The following NTM variants were observed in gnomAD, a reference collection of about 807,000 sequenced individuals.
NTM encodes neurotrimin.
Under a neutral mutation model 42.1 loss-of-function variants are expected in NTM, and 13 were observed. The ratio of observed to expected loss-of-function variants is 0.31; its 90% confidence interval spans 0.20 to 0.49. The LOEUF (loss-of-function observed/expected upper bound fraction) is 0.49. Ranked by LOEUF, NTM falls within the 20% of genes least tolerant of loss-of-function variation. The pLI is 0.99. For synonymous variants in NTM, 187 were observed against 179.2 expected, an observed-to-expected ratio of 1.04 and a Z score of -0.35; for missense variants, 373 against 452.8, an observed-to-expected ratio of 0.82 and a Z score of 1.60.
chr11:131,586,869 A>G (rs1377943498), intron 1 of NTM, among the ~76,000 whole-genome samples: 1 of 152,216 alleles, frequency 6.6e-6, no homozygotes, highest in Non-Finnish European at 1.5e-5. Flanking sequence ...AACAATCTAT[A>G]TCACTTATCT....
chr11:132,275,278 C>G (rs750219745), intron 4 of NTM, among the ~76,000 whole-genome samples: 17 of 151,948 alleles, frequency 1.1e-4, no homozygotes, highest in African/African-American at 4.1e-4. Flanking sequence ...CATCCTAGAA[C>G]GTGTATTGAA....
intron 4 of NTM, among the ~76,000 whole-genome samples, chr11:132,263,909 G>C (rs544718013): frequency 6.6e-6 from 1 of 152,114 alleles, no homozygotes; most frequent in Non-Finnish European, 1.5e-5. Flanking sequence ...CCAATATTAT[G>C]TACACGATTA....
At chr11:132,114,884 TG>T (rs957274636) in intron 2 of NTM, among the ~76,000 whole-genome samples, 6 of 152,190 alleles carry the variant, frequency 3.9e-5, no homozygotes, top group African/African-American at 1.4e-4. Flanking sequence ...TCTTAGCTAT[TG>T]TGACTAATGC....
At chr11:131,440,828 A>G (rs866295411) in intron 1 of NTM, among the ~76,000 whole-genome samples, 817 of 45,582 alleles carry the variant, frequency 0.018, 16 homozygotes, top group African/African-American at 0.077. Context: ...AAAAAAAAAA[A>G]AAAAAAAAAA....
At chr11:131,823,069 A>C (rs2093258916) in intron 1 of NTM, among the ~76,000 whole-genome samples, 1 of 152,114 alleles carries the variant, frequency 6.6e-6, no homozygotes, top group Admixed American at 6.6e-5. Flanking sequence ...CTTGTTCTTC[A>C]ATCCAGTGAG....
intron 1 of NTM, among the ~76,000 whole-genome samples, chr11:131,809,983 C>T (rs1318336669): frequency 6.6e-6 from 1 of 152,196 alleles, no homozygotes; most frequent in Non-Finnish European, 1.5e-5. Context: ...ACTTATCACT[C>T]TTTCCTTTAA....
intron 3 of NTM, among the ~76,000 whole-genome samples, chr11:132,186,585 A>ATGTTT (rs2078436543): frequency 1.3e-5 from 2 of 152,198 alleles, no homozygotes; most frequent in East Asian, 1.9e-4. Context: ...TTATTTTTTA[A>ATGTTT]TGTTTTGTTT....
rs201311970 is a variant in NTM at position 131,521,316 on chromosome 11, GAAATAAAT to G, written c.82+150465_82+150472del. ...GGTGACAGAGTGAGACTCCATCTCA[GAAATAAAT>G]AAATAAATAAATAAATAAATAAATA... On this transcript the variant is annotated intron_variant, in intron 1 of 8. Transcript: ENST00000683400. Among the ~76,000 whole-genome samples, 453 of 109,650 alleles carry G rather than the reference GAAATAAAT, an allele frequency of 4.1e-3. 1 individual carries two copies. The highest frequency in any genetic ancestry group is 0.011 in the Middle Eastern group (2 of 174). 71.9% of individuals were successfully genotyped at this position (109,650 alleles called of 152,430 possible).
At chr11:131,623,807 G>T (rs1221683228) in intron 1 of NTM, among the ~76,000 whole-genome samples, 2 of 152,208 alleles carry the variant, frequency 1.3e-5, no homozygotes, top group Non-Finnish European at 2.9e-5. Context: ...GGAGATAATG[G>T]TGTGTGTTTG....
At chr11:131,944,066 C>G (rs1452053840) in intron 2 of NTM, among the ~76,000 whole-genome samples, 2 of 149,836 alleles carry the variant, frequency 1.3e-5, no homozygotes, top group African/African-American at 4.9e-5. Flanking sequence ...TTTTTTTTTT[C>G]TTTTCTGTGA....
intron 1 of NTM, chr11:131,533,936 G>C (rs2051709846): frequency 6.6e-6 from 1 of 152,312 alleles, no homozygotes; most frequent in African/African-American, 2.4e-5. Context: ...CCCACCCAGG[G>C]AGGGATCCAG....
At chr11:131,873,984 TTA>T (rs1299455437) in intron 1 of NTM, among the ~76,000 whole-genome samples, 1 of 98,518 alleles carries the variant, frequency 1.0e-5, no homozygotes, top group African/African-American at 3.0e-5. Flanking sequence ...ATATTATATA[TTA>T]TATATATTAT....
chr11:132,176,600 A>T (rs2076843394), intron 3 of NTM, among the ~76,000 whole-genome samples: 1 of 152,100 alleles, frequency 6.6e-6, no homozygotes, highest in South Asian at 2.1e-4. Context: ...TAGGACACCA[A>T]GTATAGATAT....
Position 131,697,082 on chromosome 11 carries a change from G to T in NTM, c.83-214482G>T, listed in dbSNP as rs187399025. Among the ~76,000 whole-genome samples the T allele has an allele frequency of 7.8e-3, 1,190 of 152,318 alleles. 7 individuals are homozygous for T. The highest frequency in any genetic ancestry group is 0.012 in the Non-Finnish European group (797 of 68,036). ...AGTTTTTAGACGAAGCCGGCTGGGGGCACGGTGGAATTGCCATGTAATTGT... is the reference window on the plus strand; with the variant it reads ...AGTTTTTAGACGAAGCCGGCTGGGGTCACGGTGGAATTGCCATGTAATTGT... On this transcript the variant is annotated intron_variant, in intron 1 of 8. Transcript: ENST00000683400.
intron 4 of NTM, among the ~76,000 whole-genome samples, chr11:132,237,865 G>A (rs2089362669): frequency 6.6e-6 from 1 of 152,168 alleles, no homozygotes; most frequent in Non-Finnish European, 1.5e-5. Flanking sequence ...CAATAGGCTT[G>A]AATTCTGTCG....
intron 1 of NTM, among the ~76,000 whole-genome samples, chr11:131,474,365 G>T (rs959501480): frequency 2.6e-5 from 4 of 151,840 alleles, no homozygotes; most frequent in African/African-American, 9.7e-5. Flanking sequence ...CTCACCTCTT[G>T]CTCTACATCT....
At chr11:131,602,818 T>C (rs1420296157) in intron 1 of NTM, among the ~76,000 whole-genome samples, 3 of 152,190 alleles carry the variant, frequency 2.0e-5, no homozygotes, top group African/African-American at 7.2e-5. Flanking sequence ...TGAACCGCCA[T>C]TGACTCAAGA....
At chr11:131,373,542 C>T (rs1181057459) in intron 1 of NTM, among the ~76,000 whole-genome samples, 2 of 151,740 alleles carry the variant, frequency 1.3e-5, no homozygotes, top group Non-Finnish European at 2.9e-5. Flanking sequence ...GGGATTAGCT[C>T]CCTGGGGCTC....
At chr11:131,824,348 C>T (rs757413555) in intron 1 of NTM, among the ~76,000 whole-genome samples, 42 of 152,134 alleles carry the variant, frequency 2.8e-4, no homozygotes, top group Non-Finnish European at 1.5e-4. Flanking sequence ...GTTGAGTGTC[C>T]GCTAAGCTCC....
Sources: allele counts gnomAD v4.1 joint callset (sites outside exome capture counted in the v4.1 genomes callset), GRCh38; gene constraint gnomAD v4.1.1; transcripts MANE v1.5; gene names NCBI Gene and HGNC (gene_info 2026-07-23, HGNC 2026-07-21).